RALGAPB: variants seen among roughly 807,000 people sequenced by gnomAD.
RALGAPB encodes Ral GTPase activating protein non-catalytic subunit beta, also known as ral GTPase-activating protein subunit beta.
RALGAPB carries 25 observed loss-of-function variants against 161.1 expected under a neutral mutation model. That is an observed-to-expected ratio of 0.16 (90% CI 0.11 to 0.22). The LOEUF is 0.22. Among genes scored for constraint, RALGAPB ranks in the 10% least tolerant of loss-of-function variants. The pLI is 1.00. For missense variants in RALGAPB, 1,391 were observed against 1,815.2 expected (o/e 0.77, Z 4.25); for synonymous variants, 629 against 626.1 (o/e 1.00, Z -0.07).
At chr20:38,501,714 A>G (rs774135039) in intron 5 of RALGAPB, among the ~76,000 whole-genome samples, 3 of 152,084 alleles carry the variant, frequency 2.0e-5, no homozygotes, top group Admixed American at 6.6e-5. Context: ...GTGACTTTCA[A>G]ATCTTAAGAA....
intron 26 of RALGAPB, among the ~76,000 whole-genome samples, chr20:38,567,479 A>G (rs1568984946): frequency 6.6e-6 from 1 of 152,130 alleles, no homozygotes. Flanking sequence ...TGATTCTCTC[A>G]TCTGTTCCTT....
At chr20:38,516,517 A>C in intron 7 of RALGAPB, 147 bp downstream of exon 7, 1 of 784,522 alleles carries the variant, frequency 1.3e-6, no homozygotes, top group Non-Finnish European at 1.9e-6. Context: ...TATTTGCAAC[A>C]AATAAAATAG....
chr20:38,482,663 A>C (rs2085003270), intron 1 of RALGAPB, among the ~76,000 whole-genome samples: 1 of 152,152 alleles, frequency 6.6e-6, no homozygotes, highest in African/African-American at 2.4e-5. Flanking sequence ...TCCTGACCTC[A>C]GGTGATCCAC....
chr20:38,500,191 G>A (rs556748666), intron 5 of RALGAPB, among the ~76,000 whole-genome samples: 1 of 150,116 alleles, frequency 6.7e-6, no homozygotes, highest in Admixed American at 6.6e-5. Flanking sequence ...TAATATGCAA[G>A]CATACCTTGT....
Position 38,532,835 on chromosome 20 carries a change from G to T in RALGAPB, c.2221G>T (p.Ala741Ser), listed in dbSNP as rs750531267. 1.2e-6 allele frequency: 2 copies of T among 1,614,156 alleles called. No individual in the cohort carries two copies. Among genetic ancestry groups the T allele is most frequent in the South Asian group, 2.2e-5 (2 of 91,088 alleles). Residue 741 changes from alanine to serine, a missense_variant, in exon 15 of 30, where the codon GCT becomes TCT. Ala to Ser is a moderately conservative substitution (Grantham distance 99). Around this residue, in one of 3 missense-constraint regions of RALGAPB, gnomAD observed 946 missense variants for 1,257.2 expected, o/e 0.75. Transcript: ENST00000262879. ...EPTTPDSERP[A>S]QALLRDYALN... ...CACGACTCCCGATAGTGAGAGACCT[G>T]CTCAAGCTCTCTTAAGAGATTATGG...
chr20:38,517,813 G>A lies in RALGAPB; in HGVS notation c.1230G>A (p.Gln410=). ...GTACTGCTCATGCCTCTAAAGTTCA[G>A]CACCAGACGTCCTCCACCTCTCCTC... ...TVSTAHASKV[Q]HQTSSTSPLS... The change falls in exon 9 of 30, where the codon CAG becomes CAA. Residue 410 remains glutamine, a synonymous_variant. Transcript: ENST00000262879. The A allele has an allele frequency of 6.2e-7, 1 of 1,613,748 alleles. No homozygotes were observed. The highest frequency in any genetic ancestry group is 8.5e-7 in the Non-Finnish European group (1 of 1,179,668).
At chr20:38,507,054 T>A (rs1257637246) in intron 5 of RALGAPB, among the ~76,000 whole-genome samples, 1 of 152,234 alleles carries the variant, frequency 6.6e-6, no homozygotes. Context: ...GTAATGCTTT[T>A]ATCTTGATTA....
chr20:38,526,481 G>A (rs1437232743), intron 13 of RALGAPB, among the ~76,000 whole-genome samples: 1 of 151,932 alleles, frequency 6.6e-6, no homozygotes, highest in Non-Finnish European at 1.5e-5. Flanking sequence ...TTTCGTCCTA[G>A]TCCTTTTTTT....
In RALGAPB at chr20:38,509,216, T is replaced by C. The variant is rs749683291; in HGVS notation, c.872+8T>C. ...CTTTTTACACATGTTAAGGTATTGT[T>C]ATTTTATTATTTCATGTGCCATTTA... On this transcript the variant is annotated splice_region_variant and intron_variant, in intron 6 of 29. Coordinates refer to ENST00000262879, the MANE Select transcript of RALGAPB (RefSeq NM_020336.4). 11 of 1,610,386 alleles carry C rather than the reference T, an allele frequency of 6.8e-6. No homozygotes were observed. The African/African-American group carries it at 1.1e-4, about 16-fold the overall frequency.
At chr20:38,504,280 A>G (rs1373520196) in intron 5 of RALGAPB, among the ~76,000 whole-genome samples, 2 of 151,476 alleles carry the variant, frequency 1.3e-5, no homozygotes, top group African/African-American at 4.9e-5. Flanking sequence ...GTAAAGCTGC[A>G]TAACTACAGC....
At chr20:38,495,436 A>G (rs1382497245) in intron 3 of RALGAPB, among the ~76,000 whole-genome samples, 1 of 152,190 alleles carries the variant, frequency 6.6e-6, no homozygotes, top group Non-Finnish European at 1.5e-5. Flanking sequence ...GTCAGATAGC[A>G]TTTTAGGCTT....
chr20:38,551,137 CG>C lies in RALGAPB; in HGVS notation c.3078del (p.Pro1027HisfsTer12). ...DVGFKYSVKH[R>X]PFPEEVDKIP... is the part of the protein sequence containing the mutation. ...TGGATTTAAATATTCTGTGAAACAT[CG>C]GCCATTTCCTGAAGAGGTGGACAAG... On this transcript the variant is annotated frameshift_variant, in exon 21 of 30. Transcript: ENST00000262879. LOFTEE classifies it high-confidence loss of function. 6.2e-7 allele frequency: 1 copy of C among 1,613,768 alleles called. No homozygotes were observed. Among genetic ancestry groups the C allele is most frequent in the Non-Finnish European group, 8.5e-7 (1 of 1,179,676 alleles).
At chr20:38,511,369 G>GT (rs1458880115) in intron 6 of RALGAPB, among the ~76,000 whole-genome samples, 1 of 148,846 alleles carries the variant, frequency 6.7e-6, no homozygotes, top group Non-Finnish European at 1.5e-5. Flanking sequence ...ATTCTTGGGT[G>GT]TTTCTCGGAG....
Position 38,574,144 on chromosome 20 carries a change from C to G in RALGAPB, c.4143-6C>G. 6.3e-7 allele frequency: 1 copy of G among 1,597,914 alleles called. No homozygotes were observed. Among genetic ancestry groups the G allele is most frequent in the Non-Finnish European group, 8.5e-7 (1 of 1,174,094 alleles). ...GTGTCTGAGATAACAATTTTCTTTT[C>G]TTAAGATCTACAACTCTTGAAAAAG... On this transcript the variant is annotated splice_region_variant and splice_polypyrimidine_tract_variant and intron_variant, in intron 28 of 29. Transcript: ENST00000262879.
At chr20:38,571,651 A>G (rs989648531) in intron 28 of RALGAPB, among the ~76,000 whole-genome samples, 2 of 152,228 alleles carry the variant, frequency 1.3e-5, no homozygotes, top group Admixed American at 6.5e-5. Context: ...ATTGTGAAGA[A>G]TGCTGCAGTG....
rs748764048 is a variant in RALGAPB at position 38,546,400 on chromosome 20, A to G, written c.2872A>G (p.Met958Val). ...CTTGGATAACAGTGTCATCCTGGCA[A>G]TGCTGGAACAACCTCTTGGAAATGA... ...FVLDNSVILA[M>V]LEQPLGNEQN... The change falls in exon 19 of 30, where the codon ATG becomes GTG. Residue 958 changes from methionine to valine, a missense_variant. Physicochemically the swap from Met to Val is conservative, Grantham distance 21. This residue lies in a region of RALGAPB where 946 missense variants were observed against 1,257.2 expected (regional missense o/e 0.75). Transcript: ENST00000262879. 10 of 1,613,962 alleles carry G rather than the reference A, an allele frequency of 6.2e-6. No homozygotes were observed. The highest frequency in any genetic ancestry group is 1.6e-4 in the Middle Eastern group (1 of 6,082).
At chr20:38,540,973 G>A in intron 17 of RALGAPB, 68 bp from the exon 18 acceptor site, 2 of 1,544,390 alleles carry the variant, frequency 1.3e-6, no homozygotes, top group Non-Finnish European at 1.8e-6. Context: ...TTAGCATTTG[G>A]ATGGATTTCC....
At chr20:38,484,136 C>T (rs2085052136) in intron 1 of RALGAPB, among the ~76,000 whole-genome samples, 1 of 152,060 alleles carries the variant, frequency 6.6e-6, no homozygotes, top group African/African-American at 2.4e-5. Flanking sequence ...CAAGATGGCG[C>T]TATTGCACTC....
intron 1 of RALGAPB, among the ~76,000 whole-genome samples, chr20:38,478,292 A>G (rs768429701): frequency 2.0e-5 from 3 of 152,346 alleles, no homozygotes; most frequent in African/African-American, 4.8e-5. Flanking sequence ...TTCCTTACCT[A>G]GTGGTTAGTG....
Sources: gnomAD v4.1 joint callset for allele counts (sites outside exome capture counted in the v4.1 genomes callset) on GRCh38, gnomAD v4.1.1 for gene constraint, gnomAD v4.1.1 regional missense constraint, MANE v1.5 for transcripts, NCBI Gene and HGNC (gene_info 2026-07-23, HGNC 2026-07-21) for gene names.